Variants in ZNF665 observed in about 807,000 individuals in gnomAD.
The protein encoded by ZNF665 is zinc finger protein 665.
ZNF665 carries 6 observed loss-of-function variants against 7.9 expected under a neutral mutation model. The observed-to-expected ratio is 0.76, with a 90% CI of 0.42 to 1.50. The LOEUF (loss-of-function observed/expected upper bound fraction) is 1.50, where lower values mean the gene tolerates loss of function less well. Among genes scored for constraint, ZNF665 ranks in the 40% most tolerant of loss-of-function variants. The probability of loss-of-function intolerance (pLI) is 0.01; values close to 1 mark genes in which losing one functional copy is unlikely to be tolerated. For missense variants in ZNF665, 819 were observed against 806.7 expected (o/e 1.02, Z -0.18); for synonymous variants, 242 against 274.5 (o/e 0.88, Z 1.17).
rs2090584269 is a variant in ZNF665 at position 53,164,152 on chromosome 19, TTTG to T, written c.*298_*300del. ...AGGTTACTTTTTTTTTTTTTTTTTT[TTTG>T]GAGATGGAGTTTCACTCCTGTTGCC... On this transcript the variant is annotated 3_prime_UTR_variant, in exon 4 of 4. Coordinates refer to ENST00000396424, the MANE Select transcript of ZNF665 (RefSeq NM_024733.5). 6.4e-6 allele frequency: 1 copy of T among 157,134 alleles called. No homozygotes were observed. The highest frequency in any genetic ancestry group is 1.4e-5 in the Non-Finnish European group (1 of 71,902). The allele number at this position is 157,134 out of a possible 1,614,324, so 9.7% of individuals were successfully genotyped here. A position where few individuals can be genotyped will look rare whatever the true frequency, so the allele number is the denominator to read the frequency against.
chr19:53,175,435 T>A lies in ZNF665; in HGVS notation c.142+10A>T. 1 of 1,602,924 alleles carries A rather than the reference T, an allele frequency of 6.2e-7. No individual in the cohort carries two copies. Among genetic ancestry groups the A allele is most frequent in the South Asian group, 1.1e-5 (1 of 89,274 alleles). On this transcript the variant is annotated intron_variant, in intron 3 of 3. Transcript: ENST00000396424. ...ACAGACCCTGACTTCTAAAAGAAAG[T>A]CATCCTCACCCAGGGAGACCAGGTT... is the stretch of plus-strand genomic sequence containing the variant.
chr19:53,189,703 C>T (rs372057658), intron 1 of ZNF665, among the ~76,000 whole-genome samples: 21 of 149,260 alleles, frequency 1.4e-4, no homozygotes, highest in African/African-American at 4.7e-4. Context: ...CGGATAACTG[C>T]GGGCGAGCCT....
intron 2 of ZNF665, 134 bp downstream of exon 2, chr19:53,182,750 T>G (rs2090747402): frequency 7.0e-7 from 1 of 1,438,702 alleles, no homozygotes; most frequent in South Asian, 1.2e-5. Flanking sequence ...TGAGAGGGAC[T>G]GAGGGAAGGC....
chr19:53,177,756 G>A (rs577662163), intron 2 of ZNF665, among the ~76,000 whole-genome samples: 1 of 152,260 alleles, frequency 6.6e-6, no homozygotes, highest in East Asian at 1.9e-4. Context: ...CAATAGCAAT[G>A]ACAGGGATTT....
rs1326740153 is a variant in ZNF665, at chr19:53,185,003, T to C, written c.-45-2060A>G. Among the ~76,000 whole-genome samples, 8 of 152,202 alleles carry C rather than the reference T, an allele frequency of 5.3e-5. No homozygotes were observed. The East Asian group carries it at 1.5e-3, about 29-fold the overall frequency. On this transcript the variant is annotated intron_variant, in intron 1 of 3. Coordinates refer to ENST00000396424, the MANE Select transcript of ZNF665 (RefSeq NM_024733.5). The stretch of plus-strand genomic sequence containing the variant: ...ACTTTTTGTACTTTCCCTAATTTGC[T>C]ACTGCTATCTAAAGGCAGAGCCAGG...
intron 2 of ZNF665, among the ~76,000 whole-genome samples, chr19:53,177,499 AT>A (rs1188444708): frequency 6.6e-6 from 1 of 152,062 alleles, no homozygotes; most frequent in Non-Finnish European, 1.5e-5. Context: ...GTGAGCCAAG[AT>A]TGTGCCACTG....
chr19:53,173,559 G>A (rs1393790775), intron 3 of ZNF665, among the ~76,000 whole-genome samples: 1 of 151,694 alleles, frequency 6.6e-6, no homozygotes, highest in Non-Finnish European at 1.5e-5. Context: ...ATTTTTAGTA[G>A]AGACAGCATT....
rs1418394560 is a variant in ZNF665 at position 53,192,236 on chromosome 19, C to G, written c.-46+1076G>C. On this transcript the variant is annotated intron_variant, in intron 1 of 3. Coordinates refer to ENST00000396424, the MANE Select transcript of ZNF665 (RefSeq NM_024733.5). ...CTTATCTCTGCTCTCCCTGTTAAAT[C>G]CCCTCTTCCCTGTTTCACTTCCTTG... Among the ~76,000 whole-genome samples the G allele has an allele frequency of 3.9e-5, 6 of 152,186 alleles. No homozygotes were observed. In the South Asian group the frequency reaches 6.2e-4, roughly 16 times the overall value.
At chr19:53,176,098 T>C (rs2090695982) in intron 2 of ZNF665, among the ~76,000 whole-genome samples, 1 of 152,034 alleles carries the variant, frequency 6.6e-6, no homozygotes, top group South Asian at 2.1e-4. Context: ...GAGGCAGAGG[T>C]TGCAGTGAGC....
In ZNF665 at chr19:53,165,419, G is replaced by A. The variant is rs758633541; in HGVS notation, c.1071C>T (p.His357=). The A allele has an allele frequency of 2.5e-6, 4 of 1,612,398 alleles. No homozygotes were observed. In the Admixed American group the frequency reaches 6.7e-5, roughly 27 times the overall value. The change falls in exon 4 of 4, where the codon CAC becomes CAT. Residue 357 remains histidine (H), a synonymous_variant. Transcript: ENST00000396424. The part of the protein sequence containing the change: ...KCNECGKVFR[H]NSYLAKHRRI... ...GCCGATGCTTTGCAAGGTATGAATT[G>A]TGCCTGAAGACCTTGCCACATTCAT...
Position 53,180,971 on chromosome 19 carries a change from T to C in ZNF665, c.15+1913A>G, listed in dbSNP as rs533635128. 11 of 152,274 alleles carry C rather than the reference T, an allele frequency of 7.2e-5. No individual in the cohort carries two copies. In the East Asian group the frequency reaches 1.4e-3, roughly 19 times the overall value. 9.4% of individuals were successfully genotyped at this position (152,274 alleles called of 1,614,324 possible). A position where few individuals can be genotyped will look rare whatever the true frequency, so the allele number is the denominator to read the frequency against. ...CATGAATAGATTTCAGAAGTACATA[T>C]TGCAACAATACTTACTCAAAGAAAT... is the stretch of plus-strand genomic sequence containing the variant. On this transcript the variant is annotated intron_variant, in intron 2 of 3. Transcript: ENST00000396424.
chr19:53,168,893 T>C (rs1341108431), intron 3 of ZNF665, among the ~76,000 whole-genome samples: 1 of 152,118 alleles, frequency 6.6e-6, no homozygotes, highest in Non-Finnish European at 1.5e-5. Flanking sequence ...GATCTTCATA[T>C]GCAAAAAAAC....
chr19:53,171,524 A>ATATATATATATTTTTTTT (rs372855271), intron 3 of ZNF665, among the ~76,000 whole-genome samples: 1 of 69,324 alleles, frequency 1.4e-5, no homozygotes, highest in African/African-American at 5.2e-5. Context: ...ATATATATAT[A>ATATATATATATTTTTTTT]TTTTTTTTTT....
At chr19:53,170,643 C>T (rs1225486847) in intron 3 of ZNF665, among the ~76,000 whole-genome samples, 3 of 152,182 alleles carry the variant, frequency 2.0e-5, no homozygotes, top group African/African-American at 7.2e-5. Context: ...ACACAGTGTT[C>T]CATCATTTTC....
intron 2 of ZNF665, chr19:53,180,505 A>T (rs949122697): frequency 1.3e-5 from 2 of 152,206 alleles, no homozygotes; most frequent in African/African-American, 4.8e-5. Flanking sequence ...CAAATGATAA[A>T]ACACATACAA....
chr19:53,189,051 C>CTGTGTGTGTGTCTGTGTGTGTGTG (rs757222280), intron 1 of ZNF665, among the ~76,000 whole-genome samples: 114 of 137,742 alleles, frequency 8.3e-4, no homozygotes, highest in African/African-American at 2.5e-3. Context: ...GCTTTATTTT[C>CTGTGTGTGTGTCTGTGTGTGTGTG]TGTGTGTGTG....
intron 2 of ZNF665, among the ~76,000 whole-genome samples, chr19:53,180,309 T>C (rs1189386529): frequency 6.6e-6 from 1 of 151,964 alleles, no homozygotes; most frequent in Admixed American, 6.6e-5. Context: ...GGCAGACACC[T>C]GTAATCCCAG....
chr19:53,169,049 A>T (rs1419388638), intron 3 of ZNF665, among the ~76,000 whole-genome samples: 1 of 152,178 alleles, frequency 6.6e-6, no homozygotes, highest in Non-Finnish European at 1.5e-5. Flanking sequence ...AAGATTTCCT[A>T]GATATGATAC....
Position 53,164,421 on chromosome 19 carries a change from A to G in ZNF665, c.*32T>C, listed in dbSNP as rs1198025272. On this transcript the variant is annotated 3_prime_UTR_variant, in exon 4 of 4. Transcript: ENST00000396424. ...CCAAAGTGCTGGGATTACAGGCGTGAGCCACCACGCCCGGCGTCCTTTGTA... is the reference window on the plus strand; with the variant it reads ...CCAAAGTGCTGGGATTACAGGCGTGGGCCACCACGCCCGGCGTCCTTTGTA... The G allele has an allele frequency of 1.1e-5, 17 of 1,495,048 alleles. No homozygotes were observed. Among genetic ancestry groups the G allele is most frequent in the East Asian group, 2.3e-5 (1 of 43,332 alleles). 92.6% of individuals were successfully genotyped at this position (1,495,048 alleles called of 1,614,324 possible).
Sources: gnomAD v4.1 joint callset for allele counts (sites outside exome capture counted in the v4.1 genomes callset) on GRCh38, gnomAD v4.1.1 for gene constraint, MANE v1.5 for transcripts, NCBI Gene and HGNC (gene_info 2026-07-23, HGNC 2026-07-21) for gene names.